The following LIN28B variants were observed in gnomAD, a reference collection of about 807,000 sequenced individuals.
LIN28B encodes the protein protein lin-28 homolog B.
LIN28B carries 5 observed loss-of-function variants against 21.9 expected under a neutral mutation model. The observed-to-expected ratio is 0.23, with a 90% CI of 0.12 to 0.48. The LOEUF (loss-of-function observed/expected upper bound fraction) is 0.48, where lower values mean the gene tolerates loss of function less well. Ranked by LOEUF, LIN28B falls within the 20% of genes least tolerant of loss-of-function variation. LIN28B has a pLI of 0.98. For missense variants in LIN28B, 245 were observed against 310.5 expected (o/e 0.79, Z 1.58); for synonymous variants, 109 against 111.3 (o/e 0.98, Z 0.13).
chr6:105,050,040 C>T (rs2114382754), intron 3 of LIN28B, among the ~76,000 whole-genome samples: 1 of 152,196 alleles, frequency 6.6e-6, no homozygotes, highest in South Asian at 2.1e-4. Flanking sequence ...TTGATCCTGT[C>T]ATTATGATGT....
At chr6:105,029,695 C>T (rs568929338) in intron 3 of LIN28B, among the ~76,000 whole-genome samples, 29 of 152,162 alleles carry the variant, frequency 1.9e-4, no homozygotes, top group Middle Eastern at 3.4e-3. Flanking sequence ...ATAGTGGGTA[C>T]GAATTTAAAG....
At chr6:104,983,943 T>G (rs970463648) in intron 2 of LIN28B, among the ~76,000 whole-genome samples, 1 of 152,210 alleles carries the variant, frequency 6.6e-6, no homozygotes, top group Non-Finnish European at 1.5e-5. Flanking sequence ...CAAATACTTA[T>G]TTTCAATTTA....
intron 3 of LIN28B, among the ~76,000 whole-genome samples, chr6:105,029,611 C>T (rs995062822): frequency 3.3e-5 from 5 of 151,710 alleles, no homozygotes; most frequent in South Asian, 2.1e-4. Context: ...ACAAGAAAGA[C>T]GTATAAAATA....
intron 2 of LIN28B, among the ~76,000 whole-genome samples, chr6:104,947,693 A>G (rs1778172230): frequency 6.6e-6 from 1 of 150,754 alleles, no homozygotes; most frequent in Non-Finnish European, 1.5e-5. Flanking sequence ...TAATATATGT[A>G]TTTTATATTT....
intron 3 of LIN28B, among the ~76,000 whole-genome samples, chr6:105,063,929 T>A (rs1772175330): frequency 6.6e-6 from 1 of 150,410 alleles, no homozygotes; most frequent in Non-Finnish European, 1.5e-5. Flanking sequence ...TTATTTTATC[T>A]TTTAGTGTAG....
chr6:104,999,393 T>C (rs937235704), intron 2 of LIN28B, among the ~76,000 whole-genome samples: 2 of 152,070 alleles, frequency 1.3e-5, no homozygotes, highest in African/African-American at 2.4e-5. Context: ...CCCACCTCAG[T>C]CTCCTAAAAT....
rs1470160781 is a variant in LIN28B, at chr6:105,080,974, A to G, written c.*2191A>G. 1 of 152,618 alleles carries G rather than the reference A, an allele frequency of 6.6e-6. No individual in the cohort carries two copies. Among genetic ancestry groups the G allele is most frequent in the Non-Finnish European group, 1.5e-5 (1 of 68,020 alleles). 9.5% of individuals were successfully genotyped at this position (152,618 alleles called of 1,614,324 possible). On this transcript the variant is annotated 3_prime_UTR_variant, in exon 4 of 4. Coordinates refer to ENST00000345080, the MANE Select transcript of LIN28B (RefSeq NM_001004317.4). ...AAAAAAATAGAAACACTTGAGAACT[A>G]TGGTCTTTATGGGTGCAATTTGAAA...
At chr6:105,016,475 G>A (rs910505045) in intron 2 of LIN28B, among the ~76,000 whole-genome samples, 1 of 152,112 alleles carries the variant, frequency 6.6e-6, no homozygotes, top group African/African-American at 2.4e-5. Flanking sequence ...GTTATATTAA[G>A]CATTATGATA....
intron 3 of LIN28B, among the ~76,000 whole-genome samples, chr6:105,057,080 C>T (rs957073062): frequency 5.3e-5 from 8 of 152,198 alleles, no homozygotes; most frequent in African/African-American, 1.9e-4. Flanking sequence ...GTATTCATAA[C>T]TTTTTTTGTA....
At chr6:105,034,997 CCCA>C (rs1477454333) in intron 3 of LIN28B, among the ~76,000 whole-genome samples, 1 of 151,844 alleles carries the variant, frequency 6.6e-6, no homozygotes, top group African/African-American at 2.4e-5. Flanking sequence ...CTGCCCCACT[CCCA>C]CCCACCTCTA....
At position 104,975,396 on chromosome 6, in the gene LIN28B, A is replaced by G. The variant is rs139903232; in HGVS notation, c.198+17110A>G. 4.3e-3 allele frequency among the ~76,000 whole-genome samples: 654 copies of G among 152,242 alleles called. 1 individual carries two copies. The highest frequency in any genetic ancestry group is 0.01 in the Middle Eastern group (3 of 294). On this transcript the variant is annotated intron_variant, in intron 2 of 3. Coordinates refer to ENST00000345080, the MANE Select transcript of LIN28B (RefSeq NM_001004317.4). ...CATTAACATTTATATTTTGTTTTAA[A>G]TGCTTGCTAACACTAAATCCCCACT...
intron 3 of LIN28B, among the ~76,000 whole-genome samples, chr6:105,059,141 C>G (rs1416950705): frequency 6.6e-6 from 1 of 151,978 alleles, no homozygotes; most frequent in African/African-American, 2.4e-5. Context: ...TATTTTAATA[C>G]CTCATCTTGT....
chr6:104,991,766 C>G (rs1770486360), intron 2 of LIN28B, among the ~76,000 whole-genome samples: 1 of 151,874 alleles, frequency 6.6e-6, no homozygotes, highest in South Asian at 2.1e-4. Flanking sequence ...ATCCCGGCAC[C>G]CCAGGAGGCC....
chr6:105,054,669 A>G (rs1771985743), intron 3 of LIN28B, among the ~76,000 whole-genome samples: 1 of 152,218 alleles, frequency 6.6e-6, no homozygotes, highest in South Asian at 2.1e-4. Context: ...CCTGGAAAGC[A>G]ATCAACTTAG....
chr6:104,961,622 G>T (rs1039590393), intron 2 of LIN28B, among the ~76,000 whole-genome samples: 1 of 152,028 alleles, frequency 6.6e-6, no homozygotes, highest in Non-Finnish European at 1.5e-5. Context: ...GGCTAGTCAC[G>T]AGCTCCTGAC....
chr6:104,957,980 A>T (rs1312233684), intron 1 of LIN28B, 119 bp from the exon 2 acceptor site: 2 of 598,620 alleles, frequency 3.3e-6, no homozygotes, highest in East Asian at 2.9e-5. Context: ...CATTAAAAAA[A>T]ATTTTTTTTT....
At chr6:105,004,397 TTTGTACAGAC>T (rs1770776644) in intron 2 of LIN28B, among the ~76,000 whole-genome samples, 1 of 152,210 alleles carries the variant, frequency 6.6e-6, no homozygotes, top group African/African-American at 2.4e-5. Context: ...CTCTTTCTTT[TTTGTACAGAC>T]AACCACATTT....
chr6:104,956,281 G>A (rs1029372475), upstream of LIN28B, among the ~76,000 whole-genome samples: 2 of 151,730 alleles, frequency 1.3e-5, no homozygotes, highest in Non-Finnish European at 1.5e-5. Flanking sequence ...GGGAACAATC[G>A]CCACTGATTG....
At chr6:104,975,826 TTTCTTC>T (rs1283971475) in intron 2 of LIN28B, among the ~76,000 whole-genome samples, 1 of 151,040 alleles carries the variant, frequency 6.6e-6, no homozygotes, top group Non-Finnish European at 1.5e-5. Flanking sequence ...AGCTAATTCT[TTTCTTC>T]TTCTTCTTCT....
Sources: allele counts gnomAD v4.1 joint callset (sites outside exome capture counted in the v4.1 genomes callset), GRCh38; gene constraint gnomAD v4.1.1; transcripts MANE v1.5; gene names NCBI Gene and HGNC (gene_info 2026-07-23, HGNC 2026-07-21).